Variants in ADD2 observed in about 807,000 individuals in gnomAD.
ADD2 encodes beta-adducin.
ADD2 carries 23 observed loss-of-function variants against 83.0 expected under a neutral mutation model. The observed-to-expected ratio is 0.28, with a 90% CI of 0.20 to 0.39. ADD2 has a LOEUF of 0.39. ADD2 is among the 10% of genes least tolerant of loss of function. The pLI is 1.00. For synonymous variants in ADD2, 375 were observed against 375.4 expected (o/e 1.00, Z 0.01); for missense variants, 758 against 944.9 (o/e 0.80, Z 2.59).
intron 1 of ADD2, among the ~76,000 whole-genome samples, chr2:70,746,037 A>C (rs190979734): frequency 6.6e-6 from 1 of 152,218 alleles, no homozygotes; most frequent in Non-Finnish European, 1.5e-5. Context: ...TTCAGAACTC[A>C]ATAATGAGCT....
chr2:70,712,786 G>C (rs563060893), intron 2 of ADD2, among the ~76,000 whole-genome samples: 18 of 152,322 alleles, frequency 1.2e-4, no homozygotes, highest in African/African-American at 4.3e-4. Context: ...GCCTTGTCAG[G>C]TGGGGAGTTC....
rs375692998 is a variant in ADD2, at chr2:70,687,129, C to T, written c.948+895G>A. ...CCCTCTTTGTGTCCTCACAGTGACC[C>T]GCTGGGCCCCACGTCTACAGTTGAG... On this transcript the variant is annotated intron_variant, in intron 9 of 15. Coordinates refer to ENST00000264436, the MANE Select transcript of ADD2 (RefSeq NM_001617.4). 3.9e-5 allele frequency: 6 copies of T among 152,330 alleles called. No individual in the cohort carries two copies. The East Asian group carries it at 9.6e-4, about 24-fold the overall frequency. The allele number at this position is 152,330 out of a possible 1,614,324, so 9.4% of individuals were successfully genotyped here.
chr2:70,696,378 G>A lies in ADD2; in HGVS notation c.341C>T (p.Pro114Leu), dbSNP rs782046567. 1 of 1,614,224 alleles carries A rather than the reference G, an allele frequency of 6.2e-7. No individual in the cohort carries two copies. Among genetic ancestry groups the A allele is most frequent in the Non-Finnish European group, 8.5e-7 (1 of 1,180,056 alleles). Reference protein sequence around the residue: ...TSSMNVSMMTPINDLHTADSL... With the variant: ...TSSMNVSMMTLINDLHTADSL... The stretch of plus-strand genomic sequence containing the variant: ...GTCAGCTGTGTGGAGGTCATTGATA[G>A]GCGTCATCATGGAGACATCTGCAGG... Residue 114 changes from proline (P) to leucine (L), a missense_variant, in exon 5 of 16, where the codon CCT becomes CTT. By Grantham distance (98) the Pro-to-Leu change is moderately conservative (BLOSUM62 -3). Around this residue, in one of 5 missense-constraint regions of ADD2, gnomAD observed 175 missense variants for 192.1 expected, o/e 0.91. Transcript: ENST00000264436.
At chr2:70,679,308 G>T (rs1553369120) in intron 10 of ADD2, among the ~76,000 whole-genome samples, 1 of 152,130 alleles carries the variant, frequency 6.6e-6, no homozygotes, top group Admixed American at 6.5e-5. Context: ...AGAATCACGG[G>T]GGGAGCTTCA....
chr2:70,741,331 C>T (rs566964620), intron 1 of ADD2: 1 of 152,340 alleles, frequency 6.6e-6, no homozygotes, highest in Non-Finnish European at 1.5e-5. Context: ...CAGCCTTACA[C>T]TATAATTACC....
At chr2:70,694,433 G>A (rs1451238934) in intron 6 of ADD2, among the ~76,000 whole-genome samples, 1 of 152,134 alleles carries the variant, frequency 6.6e-6, no homozygotes, top group African/African-American at 2.4e-5. Flanking sequence ...TGAGTGTCCA[G>A]CAGAATAAAG....
intron 1 of ADD2, among the ~76,000 whole-genome samples, chr2:70,727,893 CAATAAATA>C (rs60082478): frequency 0.056 from 7,864 of 140,414 alleles, 683 homozygotes; most frequent in African/African-American, 0.2. Context: ...GAGACTCTGT[CAATAAATA>C]AATAAATAAA....
chr2:70,673,014 A>G lies in ADD2; in HGVS notation c.1742-8T>C, dbSNP rs964527652. On this transcript the variant is annotated splice_region_variant and splice_polypyrimidine_tract_variant and intron_variant, in intron 14 of 15. Coordinates refer to ENST00000264436, the MANE Select transcript of ADD2 (RefSeq NM_001617.4). ...GGGCAGTTTCTTTCTCTCCTGAAAAAACAGAAAAACACCTCAGGATAGAGG... is the reference window on the plus strand; with the variant it reads ...GGGCAGTTTCTTTCTCTCCTGAAAAGACAGAAAAACACCTCAGGATAGAGG... 9 of 1,610,508 alleles carry G rather than the reference A, an allele frequency of 5.6e-6. No homozygotes were observed. The highest frequency in any genetic ancestry group is 1.3e-5 in the African/African-American group (1 of 74,680).
At chr2:70,742,560 T>C (rs1415672422) in intron 1 of ADD2, among the ~76,000 whole-genome samples, 1 of 152,202 alleles carries the variant, frequency 6.6e-6, no homozygotes, top group Non-Finnish European at 1.5e-5. Context: ...ATCAAAGTGA[T>C]GGAGCTCAAG....
chr2:70,759,633 T>C (rs1553384510), intron 1 of ADD2, among the ~76,000 whole-genome samples: 1 of 152,082 alleles, frequency 6.6e-6, no homozygotes, highest in East Asian at 1.9e-4. Flanking sequence ...TGGCATCTCC[T>C]CCCCTCTCTC....
At chr2:70,700,137 T>C (rs1671515935) in intron 4 of ADD2, among the ~76,000 whole-genome samples, 3 of 152,132 alleles carry the variant, frequency 2.0e-5, no homozygotes, top group Non-Finnish European at 4.4e-5. Context: ...GACAAAAATA[T>C]AGATTAAATA....
chr2:70,663,743 A>C lies in ADD2; in HGVS notation c.1871-8T>G. On this transcript the variant is annotated splice_polypyrimidine_tract_variant and splice_region_variant and intron_variant, in intron 15 of 15. Coordinates refer to ENST00000264436, the MANE Select transcript of ADD2 (RefSeq NM_001617.4). The stretch of plus-strand genomic sequence containing the variant: ...CTGTCTTCTTAGTACCTTCTAGAAA[A>C]AGATCAAAAGATATGACCTGTAAGA... 6.2e-7 allele frequency: 1 copy of C among 1,609,894 alleles called. No homozygotes were observed. The highest frequency in any genetic ancestry group is 8.5e-7 in the Non-Finnish European group (1 of 1,178,380).
At chr2:70,721,865 G>T (rs1553377449) in intron 1 of ADD2, among the ~76,000 whole-genome samples, 2 of 152,200 alleles carry the variant, frequency 1.3e-5, no homozygotes, top group Non-Finnish European at 2.9e-5. Flanking sequence ...ACTCATTTCT[G>T]GATGGTGGAG....
At chr2:70,738,266 A>G (rs1673691313) in intron 1 of ADD2, among the ~76,000 whole-genome samples, 1 of 152,198 alleles carries the variant, frequency 6.6e-6, no homozygotes, top group Non-Finnish European at 1.5e-5. Context: ...ACTTTTCACT[A>G]AAAACCAACG....
chr2:70,696,043 G>A (rs1553372578), intron 5 of ADD2, among the ~76,000 whole-genome samples: 1 of 152,212 alleles, frequency 6.6e-6, no homozygotes, highest in Non-Finnish European at 1.5e-5. Context: ...GGATCCAGGA[G>A]TTCCTTCCCA....
chr2:70,679,729 CAA>C (rs1197604964), intron 10 of ADD2, among the ~76,000 whole-genome samples: 2 of 151,972 alleles, frequency 1.3e-5, no homozygotes, highest in African/African-American at 4.8e-5. Context: ...GAATTTTATG[CAA>C]ACTCTCACCC....
At chr2:70,705,976 G>T (rs1320618781) in intron 3 of ADD2, among the ~76,000 whole-genome samples, 4 of 152,106 alleles carry the variant, frequency 2.6e-5, no homozygotes, top group African/African-American at 4.8e-5. Context: ...AAACTGAGGG[G>T]GACTCCTGTC....
chr2:70,767,105 C>T (rs200985181), intron 1 of ADD2, among the ~76,000 whole-genome samples: 3 of 152,160 alleles, frequency 2.0e-5, no homozygotes, highest in Non-Finnish European at 4.4e-5. Flanking sequence ...CTCCCTTCCC[C>T]CCAACACCAG....
intron 15 of ADD2, among the ~76,000 whole-genome samples, chr2:70,671,839 G>A (rs1186878894): frequency 1.3e-5 from 2 of 152,292 alleles, no homozygotes; most frequent in Non-Finnish European, 2.9e-5. Flanking sequence ...TTCTACTCCA[G>A]AGGGAGAAGA....
Sources: allele counts gnomAD v4.1 joint callset (sites outside exome capture counted in the v4.1 genomes callset), GRCh38; gene constraint gnomAD v4.1.1; regional missense constraint gnomAD v4.1.1; transcripts MANE v1.5; gene names NCBI Gene and HGNC (gene_info 2026-07-23, HGNC 2026-07-21).